MYOM2: variants seen among roughly 807,000 people sequenced by gnomAD.
MYOM2 encodes myomesin-2.
Under a neutral mutation model 187.6 loss-of-function variants are expected in MYOM2, and 254 were observed. That is an observed-to-expected ratio of 1.35 (90% CI 1.22 to 1.50). MYOM2 has a LOEUF of 1.50. Among genes scored for constraint, MYOM2 ranks in the 40% most tolerant of loss-of-function variants. MYOM2 has a pLI of 0.00. For synonymous variants in MYOM2, 981 were observed against 753.8 expected (o/e 1.30, Z -4.94); for missense variants, 2,796 against 1,924.0 (o/e 1.45, Z -8.48).
At chr8:2,079,662 G>A (rs777767421) in intron 13 of MYOM2, 49 bp downstream of exon 13, 1 of 1,584,262 alleles carries the variant, frequency 6.3e-7, no homozygotes, top group Non-Finnish European at 8.7e-7. Context: ...GGGATTTGGA[G>A]TTGTAATTAG....
At chr8:2,124,631 T>A (rs1797574908) in intron 31 of MYOM2, among the ~76,000 whole-genome samples, 2 of 152,260 alleles carry the variant, frequency 1.3e-5, no homozygotes, top group African/African-American at 4.8e-5. Context: ...GAGGTGGGAT[T>A]GCTGGATCAC....
At chr8:2,086,730 G>A (rs570969739) in intron 14 of MYOM2, among the ~76,000 whole-genome samples, 73 of 152,356 alleles carry the variant, frequency 4.8e-4, no homozygotes, top group South Asian at 8.3e-4. Context: ...GGGCGCCCGC[G>A]TTCTTCACTG....
intron 14 of MYOM2, among the ~76,000 whole-genome samples, chr8:2,086,312 AGTCGTGAT>A (rs1796045870): frequency 6.7e-5 from 1 of 14,924 alleles, no homozygotes; most frequent in African/African-American, 3.8e-4. Flanking sequence ...GGCCCCCCAC[AGTCGTGAT>A]CTCTGCGTGG....
At chr8:2,141,390 C>T (rs767069808) in intron 34 of MYOM2, among the ~76,000 whole-genome samples, 23 of 152,152 alleles carry the variant, frequency 1.5e-4, no homozygotes, top group Non-Finnish European at 2.9e-4. Context: ...CCAGAGTCAT[C>T]GGAACCCCGG....
chr8:2,082,089 C>T (rs1819649947), intron 13 of MYOM2: 3 of 152,196 alleles, frequency 2.0e-5, no homozygotes, highest in Admixed American at 2.0e-4. Flanking sequence ...GAGACGTGGA[C>T]ACTGCCTGAG....
At chr8:2,126,292 C>T (rs1797631971) in intron 31 of MYOM2, among the ~76,000 whole-genome samples, 1 of 152,134 alleles carries the variant, frequency 6.6e-6, no homozygotes, top group Non-Finnish European at 1.5e-5. Context: ...AAACTGGACG[C>T]CATGGGCTGG....
intron 32 of MYOM2, among the ~76,000 whole-genome samples, chr8:2,130,424 C>T (rs1010152549): frequency 1.3e-5 from 2 of 151,328 alleles, no homozygotes; most frequent in African/African-American, 2.4e-5. Context: ...CCCATCAGTA[C>T]GCTATACCCA....
chr8:2,096,523 G>A (rs7834633), intron 18 of MYOM2, 89 bp downstream of exon 18: 535,682 of 1,247,390 alleles, frequency 0.43, 117,673 homozygotes, highest in East Asian at 0.59. Context: ...ACATTAGATA[G>A]TTTGATACAG....
chr8:2,101,424 G>A lies in MYOM2; in HGVS notation c.2619+370G>A, dbSNP rs1032789554. 5.3e-5 allele frequency among the ~76,000 whole-genome samples: 8 copies of A among 152,336 alleles called. No homozygotes were observed. The East Asian group carries it at 7.7e-4, about 15-fold the overall frequency. ...ATAAAGGTAAGTCTTTCGTCTTGGC[G>A]TTTCCCTCTGTGTGAAAGTGCTGTT... On this transcript the variant is annotated intron_variant, in intron 20 of 36. Coordinates refer to ENST00000262113, the MANE Select transcript of MYOM2 (RefSeq NM_003970.4).
intron 3 of MYOM2, among the ~76,000 whole-genome samples, chr8:2,056,595 A>G (rs17757537): frequency 1.3e-5 from 2 of 152,036 alleles, no homozygotes; most frequent in Non-Finnish European, 2.9e-5. Context: ...GTATTCAGAC[A>G]TTCCTATCTG....
At chr8:2,109,326 C>T in intron 24 of MYOM2, 69 bp from the exon 25 acceptor site, 2 of 1,468,918 alleles carry the variant, frequency 1.4e-6, no homozygotes, top group African/African-American at 1.4e-5. Flanking sequence ...TATTTCCCTA[C>T]AATTTGCAGG....
rs371007407 is a variant in MYOM2 at position 2,057,712 on chromosome 8, C to A, written c.492C>A (p.Thr164=). 8 of 1,613,966 alleles carry A rather than the reference C, an allele frequency of 5.0e-6. No homozygotes were observed. In the East Asian group the frequency reaches 6.7e-5, roughly 13 times the overall value. The part of the protein sequence containing the change: ...PEILVRLRSH[T]VWERMSVKLC... ...TCCTGGTGCGGCTGCGATCCCACAC[C>A]GTCTGGGAGAGGATGTCTGTGAAAC... Residue 164 remains threonine, a synonymous_variant, in exon 5 of 37, where the codon ACC becomes ACA. Coordinates refer to ENST00000262113, the MANE Select transcript of MYOM2 (RefSeq NM_003970.4).
intron 21 of MYOM2, among the ~76,000 whole-genome samples, chr8:2,105,319 C>T (rs1332942051): frequency 2.0e-5 from 3 of 152,230 alleles, no homozygotes; most frequent in Non-Finnish European, 4.4e-5. Flanking sequence ...AGAGCACTGA[C>T]ACTTCATGGC....
At position 2,055,130 on chromosome 8, in the gene MYOM2, G is replaced by C. The variant is rs538148547; in HGVS notation, c.264-2218G>C. ...GGTAACCAAGTACCTGGATACTGGGGTAACCAAGTACCTGGATACTGGGGG... is the reference window on the plus strand; with the variant it reads ...GGTAACCAAGTACCTGGATACTGGGCTAACCAAGTACCTGGATACTGGGGG... On this transcript the variant is annotated intron_variant, in intron 3 of 36. Transcript: ENST00000262113. 3.3e-3 allele frequency among the ~76,000 whole-genome samples: 84 copies of C among 25,526 alleles called. 2 individuals are homozygous for C. In the Admixed American group the frequency reaches 0.037, roughly 11 times the overall value. The allele number at this position is 25,526 out of a possible 152,430, so 16.7% of individuals were successfully genotyped here.
At chr8:2,057,994 G>T (rs1040045715) in intron 5 of MYOM2, among the ~76,000 whole-genome samples, 1 of 121,676 alleles carries the variant, frequency 8.2e-6, no homozygotes, top group Admixed American at 9.1e-5. Context: ...AAATTTTTCA[G>T]AGGGTTTTTT....
At chr8:2,085,081 G>T (rs1321183067) in intron 13 of MYOM2, 182 bp from the exon 14 acceptor site, 3 of 651,348 alleles carry the variant, frequency 4.6e-6, no homozygotes, top group South Asian at 2.0e-5. Context: ...CTAACTGGCT[G>T]ATCTTTATTG....
At position 2,059,189 on chromosome 8, in the gene MYOM2, A is replaced by C; in HGVS notation, c.597A>C (p.Glu199Asp). 5.6e-6 allele frequency: 9 copies of C among 1,614,216 alleles called. No individual in the cohort carries two copies. The highest frequency in any genetic ancestry group is 7.6e-6 in the Non-Finnish European group (9 of 1,180,036). ...GCAGTCTGATTTGCCAGGCGGCTGA[A>C]CCGGGAAAGTACAGGATTGAGAGCA... ...KDGSLICQAA[E>D]PGKYRIESNY... The change falls in exon 6 of 37, where the codon GAA becomes GAC. Residue 199 changes from glutamate to aspartate, a missense_variant. Transcript: ENST00000262113.
In MYOM2 at chr8:2,106,603, AT is replaced by A; in HGVS notation, c.2998+9del. ...TTTTGTTCTGGACCCAGAAGGTAAT[AT>A]TTATATGGCAGAACCTTGCCTGTTT... On this transcript the variant is annotated splice_region_variant and intron_variant, in intron 23 of 36. Coordinates refer to ENST00000262113, the MANE Select transcript of MYOM2 (RefSeq NM_003970.4). The A allele has an allele frequency of 6.3e-7, 1 of 1,586,812 alleles. No individual in the cohort carries two copies. The highest frequency in any genetic ancestry group is 8.6e-7 in the Non-Finnish European group (1 of 1,158,320).
At chr8:2,095,545 G>A (rs1796451328) in intron 17 of MYOM2, among the ~76,000 whole-genome samples, 1 of 152,050 alleles carries the variant, frequency 6.6e-6, no homozygotes, top group African/African-American at 2.4e-5. Flanking sequence ...TCCTGCCTCG[G>A]TCTCCCAAAG....
Sources: allele counts gnomAD v4.1 joint callset (sites outside exome capture counted in the v4.1 genomes callset), GRCh38; gene constraint gnomAD v4.1.1; transcripts MANE v1.5; gene names NCBI Gene and HGNC (gene_info 2026-07-23, HGNC 2026-07-21).